Variants in LRGUK observed in about 807,000 individuals in gnomAD.
The protein encoded by LRGUK is leucine-rich repeat and guanylate kinase domain-containing protein.
In LRGUK, 65 loss-of-function variants were observed where a neutral mutation model predicts 76.0. The observed-to-expected ratio is 0.85, with a 90% CI of 0.70 to 1.05. The LOEUF (loss-of-function observed/expected upper bound fraction) is 1.05, where lower values mean the gene tolerates loss of function less well. LRGUK is among the 50% of genes least tolerant of loss of function. The pLI, the probability that LRGUK is intolerant of heterozygous loss-of-function variation, is 0.00. For missense variants in LRGUK, 758 were observed against 732.8 expected (o/e 1.03, Z -0.40); for synonymous variants, 268 against 265.6 (o/e 1.01, Z -0.09).
intron 19 of LRGUK, 143 bp from the exon 20 acceptor site, chr7:134,263,702 A>T (rs1802799621): frequency 3.0e-6 from 2 of 671,466 alleles, no homozygotes; most frequent in Admixed American, 4.2e-5. Context: ...GGTGTAAGCC[A>T]CTGCACCTGG....
At chr7:134,273,024 TA>T in the LRGUK span, among the ~76,000 whole-genome samples, 1 of 152,146 alleles carries the variant, frequency 6.6e-6, no homozygotes, top group Non-Finnish European at 1.5e-5. Flanking sequence ...AAGTCTTGAG[TA>T]TTGTCTATTT....
intron 18 of LRGUK, among the ~76,000 whole-genome samples, chr7:134,249,439 T>C (rs888442684): frequency 3.9e-5 from 6 of 152,188 alleles, no homozygotes; most frequent in African/African-American, 1.4e-4. Context: ...TCCTGTACTG[T>C]GATTCGGCTG....
chr7:134,245,710 G>A (rs1232257332), intron 16 of LRGUK, among the ~76,000 whole-genome samples: 1 of 152,066 alleles, frequency 6.6e-6, no homozygotes, highest in Non-Finnish European at 1.5e-5. Context: ...AGTAAGGGCG[G>A]TATACAATGA....
chr7:134,214,177 T>G (rs182630163), downstream of LRGUK, among the ~76,000 whole-genome samples: 9 of 151,920 alleles, frequency 5.9e-5, no homozygotes, highest in African/African-American at 2.2e-4. Flanking sequence ...AATAGATATG[T>G]CAAAAAGTAT....
chr7:134,262,361 G>A (rs1437534424), intron 19 of LRGUK, among the ~76,000 whole-genome samples: 1 of 152,188 alleles, frequency 6.6e-6, no homozygotes, highest in Admixed American at 6.5e-5. Context: ...GTGCCAAAGC[G>A]AGACTCTGTC....
intron 12 of LRGUK, among the ~76,000 whole-genome samples, chr7:134,194,927 C>T (rs1051477234): frequency 4.6e-5 from 7 of 152,148 alleles, no homozygotes; most frequent in Non-Finnish European, 1.0e-4. Flanking sequence ...ACAGGGCCAG[C>T]TGTGCAGGAG....
chr7:134,150,830 T>G (rs1482571405), intron 5 of LRGUK, among the ~76,000 whole-genome samples: 1 of 151,924 alleles, frequency 6.6e-6, no homozygotes, highest in African/African-American at 2.4e-5. Context: ...ATTAGGGTTT[T>G]TTTTTTCTTG....
At chr7:134,153,044 G>C (rs776104251) in intron 5 of LRGUK, among the ~76,000 whole-genome samples, 1 of 151,940 alleles carries the variant, frequency 6.6e-6, no homozygotes, top group Non-Finnish European at 1.5e-5. Flanking sequence ...CTGCTGATTG[G>C]GCTGTGGGGG....
intron 15 of LRGUK, among the ~76,000 whole-genome samples, chr7:134,207,420 T>C (rs954832710): frequency 1.3e-5 from 2 of 152,200 alleles, no homozygotes; most frequent in African/African-American, 2.4e-5. Context: ...CCTTGTTTCT[T>C]GTCTAAGCTA....
chr7:134,215,445 G>A (rs941204269), intron 15 of LRGUK, among the ~76,000 whole-genome samples: 16 of 152,060 alleles, frequency 1.1e-4, no homozygotes, highest in Non-Finnish European at 1.9e-4. Flanking sequence ...CCCCAGCTCT[G>A]GTTGCCTTCA....
intron 3 of LRGUK, among the ~76,000 whole-genome samples, chr7:134,140,355 T>C (rs546511574): frequency 8.5e-5 from 13 of 152,318 alleles, no homozygotes; most frequent in Admixed American, 3.3e-4. Context: ...TTCATTCTTT[T>C]TTGCTGTCTT....
chr7:134,227,966 A>G (rs550049512), intron 16 of LRGUK, among the ~76,000 whole-genome samples: 1 of 152,310 alleles, frequency 6.6e-6, no homozygotes. Context: ...ATTTGAAGAA[A>G]TAATGGTTGA....
intron 5 of LRGUK, among the ~76,000 whole-genome samples, 200 bp from the exon 6 acceptor site, chr7:134,157,835 T>A (rs1490882951): frequency 2.0e-5 from 3 of 152,178 alleles, no homozygotes; most frequent in Non-Finnish European, 4.4e-5. Context: ...TATGCCTTTT[T>A]AAAATAAAAA....
intron 2 of LRGUK, among the ~76,000 whole-genome samples, chr7:134,137,936 A>G (rs1244266757): frequency 6.6e-6 from 1 of 152,120 alleles, no homozygotes; most frequent in Admixed American, 6.5e-5. Context: ...AGCCTGTTCT[A>G]TCTTGGATTT....
At chr7:134,181,054 C>A (rs2117011072) in intron 10 of LRGUK, among the ~76,000 whole-genome samples, 1 of 152,232 alleles carries the variant, frequency 6.6e-6, no homozygotes, top group East Asian at 1.9e-4. Flanking sequence ...ACATACCGTG[C>A]TTTCTCCTTC....
intron 14 of LRGUK, among the ~76,000 whole-genome samples, 166 bp from the exon 15 acceptor site, chr7:134,201,315 A>ATT (rs1800758736): frequency 6.6e-6 from 1 of 152,124 alleles, no homozygotes; most frequent in East Asian, 1.9e-4. Context: ...TAAGGGGAGG[A>ATT]GATTGATTAT....
exon 15 of LRGUK, chr7:134,201,543 G>A: frequency 6.2e-7 from 1 of 1,613,818 alleles, no homozygotes; most frequent in Admixed American, 1.7e-5. Flanking sequence ...TGGATTGACT[G>A]AGGAACCTGC....
chr7:134,163,260 G>GGGATGGA, intron 6 of LRGUK, 137 bp from the exon 7 acceptor site: 2 of 667,300 alleles, frequency 3.0e-6, no homozygotes, highest in Non-Finnish European at 4.9e-6. Flanking sequence ...TGATGGAAAT[G>GGGATGGA]GGATGGAGGG....
exon 20 of LRGUK, chr7:134,263,988 T>C: frequency 6.3e-7 from 1 of 1,599,040 alleles, no homozygotes; most frequent in Non-Finnish European, 8.5e-7. Flanking sequence ...TAGCACTTGA[T>C]GTCTGATCCT....
Sources: allele counts gnomAD v4.1 joint callset (sites outside exome capture counted in the v4.1 genomes callset), GRCh38; gene constraint gnomAD v4.1.1; transcripts MANE v1.5; gene names NCBI Gene and HGNC (gene_info 2026-07-23, HGNC 2026-07-21).